Variants in STN1 observed in about 807,000 individuals in gnomAD.
STN1 encodes the protein STN1 subunit of CST complex.
Under a neutral mutation model 45.5 loss-of-function variants are expected in STN1, and 29 were observed. That is an observed-to-expected ratio of 0.64 (90% CI 0.47 to 0.87). The LOEUF (loss-of-function observed/expected upper bound fraction) is 0.87. Ranked by LOEUF, STN1 falls within the 40% of genes least tolerant of loss-of-function variation. The probability of loss-of-function intolerance (pLI) is 0.00; values close to 1 mark genes in which losing one functional copy is unlikely to be tolerated. For missense variants in STN1, 376 were observed against 441.4 expected (o/e 0.85, Z 1.33); for synonymous variants, 148 against 159.0 (o/e 0.93, Z 0.52).
chr10:103,897,435 C>T lies in STN1; in HGVS notation c.753+113G>A, dbSNP rs114642861. The stretch of plus-strand genomic sequence containing the variant: ...TAATGTGTGACAGAACCATTCCCTC[C>T]GTTCCCTGGGTCAACTCTGTGAATC... On this transcript the variant is annotated intron_variant, in intron 7 of 9. Coordinates refer to ENST00000224950, the MANE Select transcript of STN1 (RefSeq NM_024928.5). 4.1e-4 allele frequency: 381 copies of T among 939,052 alleles called. 1 individual carries two copies. In the African/African-American group the frequency reaches 5.4e-3, roughly 13 times the overall value. The allele number at this position is 939,052 out of a possible 1,614,324, so 58.2% of individuals were successfully genotyped here.
intron 9 of STN1, among the ~76,000 whole-genome samples, chr10:103,887,248 C>T (rs1015388598): frequency 6.6e-6 from 1 of 152,184 alleles, no homozygotes; most frequent in African/African-American, 2.4e-5. Flanking sequence ...AATGTTAGAT[C>T]TAAAATACAA....
chr10:103,892,221 G>A lies in STN1; in HGVS notation c.785C>T (p.Ala262Val). The A allele has an allele frequency of 1.2e-6, 2 of 1,601,670 alleles. No homozygotes were observed. Among genetic ancestry groups the A allele is most frequent in the Non-Finnish European group, 1.7e-6 (2 of 1,176,362 alleles). The stretch of plus-strand genomic sequence containing the variant: ...AGCATTCTTAAATATACTATGAATT[G>A]CCTTGGAAGTGGTGTCCTTCTTAAA... ...VNFKKDTTSK[A>V]IHSIFKNAIQ... Residue 262 changes from alanine to valine, a missense_variant, in exon 8 of 10, where the codon GCA (alanine) becomes GTA (valine). Coordinates refer to ENST00000224950, the MANE Select transcript of STN1 (RefSeq NM_024928.5).
intron 4 of STN1, among the ~76,000 whole-genome samples, chr10:103,901,680 T>A (rs1434152348): frequency 6.6e-6 from 1 of 152,226 alleles, no homozygotes. Context: ...ATTCCATATT[T>A]ATAGGAAATA....
At chr10:103,883,707 A>G (rs1284377516) in intron 9 of STN1, among the ~76,000 whole-genome samples, 1 of 118,620 alleles carries the variant, frequency 8.4e-6, no homozygotes, top group Non-Finnish European at 2.0e-5. Flanking sequence ...ATAGCCAGTC[A>G]CCAATCAATG....
intron 9 of STN1, among the ~76,000 whole-genome samples, chr10:103,883,042 G>T (rs1013554064): frequency 5.9e-5 from 9 of 152,182 alleles, no homozygotes; most frequent in African/African-American, 2.2e-4. Context: ...TCACCACGGC[G>T]ACATGGAGCC....
At position 103,899,022 on chromosome 10, in the gene STN1, G is replaced by A. The variant is rs537418923; in HGVS notation, c.458-22C>T. ...TTATCTAACAAGTGACCAGAAAAAA[G>A]ATGCTACAGAAATTACAAATTACAT... is the stretch of plus-strand genomic sequence containing the variant. On this transcript the variant is annotated intron_variant, in intron 5 of 9. Coordinates refer to ENST00000224950, the MANE Select transcript of STN1 (RefSeq NM_024928.5). The A allele has an allele frequency of 1.2e-5, 19 of 1,612,644 alleles. No homozygotes were observed. The East Asian group carries it at 4.2e-4, about 36-fold the overall frequency.
chr10:103,899,054 C>A (rs1589499542), intron 5 of STN1, 54 bp from the exon 6 acceptor site: 1 of 1,595,164 alleles, frequency 6.3e-7, no homozygotes, highest in Non-Finnish European at 8.5e-7. Context: ...ACATTGAGAT[C>A]AATTCTTTCC....
chr10:103,893,420 G>A (rs939501316), intron 7 of STN1, among the ~76,000 whole-genome samples: 12 of 152,162 alleles, frequency 7.9e-5, no homozygotes, highest in African/African-American at 2.2e-4. Context: ...CACCCGCCTC[G>A]GCCTCTCAAA....
intron 9 of STN1, among the ~76,000 whole-genome samples, chr10:103,888,827 C>T (rs955529604): frequency 6.6e-6 from 1 of 152,212 alleles, no homozygotes; most frequent in African/African-American, 2.4e-5. Flanking sequence ...AGAATCTGGG[C>T]TCTGAATGTT....
rs1843067374 is a variant in STN1 at position 103,881,319 on chromosome 10, A to G, written c.*1365T>C. On this transcript the variant is annotated 3_prime_UTR_variant, in exon 10 of 10. Coordinates refer to ENST00000224950, the MANE Select transcript of STN1 (RefSeq NM_024928.5). ...TCTGATTCTGAACTCCTTCCTGGGC[A>G]GCCCCACTAATCAGATGCATTCAAC... is the stretch of plus-strand genomic sequence containing the variant. Among the ~76,000 whole-genome samples the G allele has an allele frequency of 6.6e-6, 1 of 152,210 alleles. No individual in the cohort carries two copies. The highest frequency in any genetic ancestry group is 2.1e-4 in the South Asian group (1 of 4,834).
chr10:103,910,815 T>G (rs912402201), intron 2 of STN1, among the ~76,000 whole-genome samples, 193 bp from the exon 3 acceptor site: 2 of 152,200 alleles, frequency 1.3e-5, no homozygotes, highest in African/African-American at 4.8e-5. Flanking sequence ...TCACAGGTCC[T>G]AAGTAGAAAG....
At chr10:103,915,071 G>C (rs1484432218) in intron 2 of STN1, among the ~76,000 whole-genome samples, 3 of 152,304 alleles carry the variant, frequency 2.0e-5, no homozygotes, top group Admixed American at 2.0e-4. Context: ...ATCCAAATCA[G>C]GGCCAGCCAA....
intron 2 of STN1, among the ~76,000 whole-genome samples, chr10:103,911,811 C>T (rs887910551): frequency 2.2e-4 from 33 of 152,180 alleles, no homozygotes; most frequent in African/African-American, 7.7e-4. Flanking sequence ...GCCTGAATCC[C>T]GACGCCCCTT....
chr10:103,912,507 C>G lies in STN1; in HGVS notation c.134-1885G>C, dbSNP rs141436197. On this transcript the variant is annotated intron_variant, in intron 2 of 9. Transcript: ENST00000224950. ...CTGCAGAGAAGGGAGATCCCTGTGT[C>G]CTGTGTAGTCAAGGGCAGGCTTCCT... 2.6e-5 allele frequency among the ~76,000 whole-genome samples: 4 copies of G among 152,322 alleles called. No homozygotes were observed. In the East Asian group the frequency reaches 7.7e-4, roughly 29 times the overall value.
At chr10:103,906,987 G>A (rs9420904) in intron 3 of STN1, among the ~76,000 whole-genome samples, 45,962 of 152,056 alleles carry the variant, frequency 0.3, 8,020 homozygotes, top group East Asian at 0.64. Context: ...AGCCAGGTGC[G>A]GTGGCACATG....
chr10:103,905,601 G>A (rs1466100181), intron 3 of STN1, among the ~76,000 whole-genome samples: 2 of 152,262 alleles, frequency 1.3e-5, no homozygotes, highest in East Asian at 1.9e-4. Flanking sequence ...CACTTAGGGC[G>A]CAGCCTTCTG....
intron 8 of STN1, among the ~76,000 whole-genome samples, chr10:103,890,287 G>A (rs776343886): frequency 6.6e-6 from 1 of 152,142 alleles, no homozygotes; most frequent in African/African-American, 2.4e-5. Context: ...AGGTTATGAC[G>A]AAGATTAAAC....
chr10:103,888,665 A>C (rs1421183024), intron 9 of STN1, among the ~76,000 whole-genome samples: 1 of 152,194 alleles, frequency 6.6e-6, no homozygotes, highest in Non-Finnish European at 1.5e-5. Context: ...TGTTCAAAGA[A>C]GGGGGGCAAG....
chr10:103,908,767 T>C (rs1843260557), intron 3 of STN1, among the ~76,000 whole-genome samples: 1 of 152,186 alleles, frequency 6.6e-6, no homozygotes, highest in Non-Finnish European at 1.5e-5. Flanking sequence ...AGAGGTTAAG[T>C]GAAGCTCCTT....
Sources: gnomAD v4.1 joint callset for allele counts (sites outside exome capture counted in the v4.1 genomes callset) on GRCh38, gnomAD v4.1.1 for gene constraint, MANE v1.5 for transcripts, NCBI Gene and HGNC (gene_info 2026-07-23, HGNC 2026-07-21) for gene names.